The following TNFRSF19 variants were observed in gnomAD, a reference collection of about 807,000 sequenced individuals.
The protein encoded by TNFRSF19 is TNF receptor superfamily member 19.
Under a neutral mutation model 46.4 loss-of-function variants are expected in TNFRSF19, and 27 were observed. That is an observed-to-expected ratio of 0.58 (90% confidence interval 0.43 to 0.80). The LOEUF is 0.80. Among genes scored for constraint, TNFRSF19 ranks in the 30% least tolerant of loss-of-function variants. The pLI is 0.00. For synonymous variants in TNFRSF19, 204 were observed against 205.0 expected, an observed-to-expected ratio of 1.00 and a Z score of 0.04; for missense variants, 511 against 530.8, an observed-to-expected ratio of 0.96 and a Z score of 0.37.
In TNFRSF19 at chr13:23,622,638, A is replaced by G. The variant is rs139341896; in HGVS notation, c.360-4069A>G. On this transcript the variant is annotated intron_variant, in intron 4 of 9. Transcript: ENST00000248484. ...AAGTAGTGTCTATGCTTGATCATCA[A>G]TACCTCCCATTTTCCTAACTTTTTA... 3.8e-3 allele frequency among the ~76,000 whole-genome samples: 583 copies of G among 152,236 alleles called. 6 individuals carry two copies. The highest frequency in any genetic ancestry group is 0.013 in the African/African-American group (551 of 41,534).
intron 1 of TNFRSF19, among the ~76,000 whole-genome samples, chr13:23,582,118 C>T (rs1026899673): frequency 6.6e-6 from 1 of 151,086 alleles, no homozygotes; most frequent in African/African-American, 2.4e-5. Context: ...CGGTGGCTCA[C>T]GCCTGTAATC....
At chr13:23,619,582 A>G (rs1881521476) in intron 4 of TNFRSF19, among the ~76,000 whole-genome samples, 2 of 152,218 alleles carry the variant, frequency 1.3e-5, no homozygotes, top group South Asian at 2.1e-4. Context: ...GGAACGGTCT[A>G]TAATCTCAGA....
Position 23,673,388 on chromosome 13 carries a change from G to C in TNFRSF19, c.*8G>C. The C allele has an allele frequency of 6.2e-7, 1 of 1,604,212 alleles. No homozygotes were observed. The highest frequency in any genetic ancestry group is 2.2e-5 in the East Asian group (1 of 44,584). On this transcript the variant is annotated 3_prime_UTR_variant, in exon 10 of 10. Coordinates refer to ENST00000248484, the MANE Select transcript of TNFRSF19 (RefSeq NM_148957.4). ...CTGTTTTAGGAAGCTTAAAGAACCTGCTTCTTTCTGCAGTAGAAGCGTGTG... is the reference window on the plus strand; with the variant it reads ...CTGTTTTAGGAAGCTTAAAGAACCTCCTTCTTTCTGCAGTAGAAGCGTGTG...
At chr13:23,640,687 A>C (rs1882986941) in intron 5 of TNFRSF19, among the ~76,000 whole-genome samples, 1 of 152,194 alleles carries the variant, frequency 6.6e-6, no homozygotes, top group South Asian at 2.1e-4. Flanking sequence ...CATTCTTTGA[A>C]TGAATTAAAT....
At chr13:23,618,138 T>G (rs912907976) in intron 4 of TNFRSF19, among the ~76,000 whole-genome samples, 8 of 152,142 alleles carry the variant, frequency 5.3e-5, no homozygotes, top group Admixed American at 3.9e-4. Context: ...ATAGCTCTGT[T>G]GGACTTTATC....
chr13:23,607,305 G>A (rs966377005), intron 3 of TNFRSF19, among the ~76,000 whole-genome samples: 1 of 151,962 alleles, frequency 6.6e-6, no homozygotes, highest in East Asian at 1.9e-4. Context: ...GTGGTGGTGG[G>A]CGCCTTTAAT....
intron 3 of TNFRSF19, among the ~76,000 whole-genome samples, chr13:23,602,828 G>T (rs1441503856): frequency 1.3e-5 from 2 of 151,992 alleles, no homozygotes; most frequent in Admixed American, 6.6e-5. Flanking sequence ...AATGAAAACA[G>T]AACTTGTCAA....
At position 23,653,504 on chromosome 13, in the gene TNFRSF19, A is replaced by T. The variant is rs767577743; in HGVS notation, c.446-5546A>T. Among the ~76,000 whole-genome samples the T allele has an allele frequency of 2.0e-4, 31 of 152,136 alleles. 1 individual carries two copies. The highest frequency in any genetic ancestry group is 3.5e-4 in the Non-Finnish European group (24 of 68,024). ...GTGCTGGGGAGAAACTGCAATTGTAAATAGATTGGTGGGAAGCCTCACTGA... is the reference window on the plus strand; with the variant it reads ...GTGCTGGGGAGAAACTGCAATTGTATATAGATTGGTGGGAAGCCTCACTGA... On this transcript the variant is annotated intron_variant, in intron 5 of 9. Transcript: ENST00000248484.
intron 5 of TNFRSF19, among the ~76,000 whole-genome samples, chr13:23,630,302 T>TA (rs33960618): frequency 0.18 from 16,186 of 89,544 alleles, 1,903 homozygotes; most frequent in African/African-American, 0.32. Context: ...GACCCTGTCT[T>TA]AAAAAAAAAA....
At chr13:23,655,057 A>G (rs190777990) in intron 5 of TNFRSF19, among the ~76,000 whole-genome samples, 25 of 152,276 alleles carry the variant, frequency 1.6e-4, no homozygotes, top group South Asian at 6.2e-4. Flanking sequence ...AGGGGATGCA[A>G]TGTGGGGAGA....
chr13:23,635,961 C>T (rs1330928508), intron 5 of TNFRSF19, among the ~76,000 whole-genome samples: 1 of 152,088 alleles, frequency 6.6e-6, no homozygotes, highest in East Asian at 1.9e-4. Flanking sequence ...ATCATTTCCC[C>T]CATCATGATA....
chr13:23,616,650 T>C (rs1360634464), intron 4 of TNFRSF19, among the ~76,000 whole-genome samples: 1 of 152,196 alleles, frequency 6.6e-6, no homozygotes, highest in African/African-American at 2.4e-5. Flanking sequence ...TGGCGCAATC[T>C]CAGCTCAGTG....
chr13:23,630,302 T>TAA (rs33960618), intron 5 of TNFRSF19, among the ~76,000 whole-genome samples: 16,626 of 89,242 alleles, frequency 0.19, 1,854 homozygotes, highest in Non-Finnish European at 0.26. Context: ...GACCCTGTCT[T>TAA]AAAAAAAAAA....
In TNFRSF19 at chr13:23,668,672, T is replaced by A. The variant is rs913237172; in HGVS notation, c.840-20T>A. 1 of 1,590,152 alleles carries A rather than the reference T, an allele frequency of 6.3e-7. No individual in the cohort carries two copies. The highest frequency in any genetic ancestry group is 1.2e-5 in the South Asian group (1 of 86,102). On this transcript the variant is annotated intron_variant, in intron 8 of 9. Coordinates refer to ENST00000248484, the MANE Select transcript of TNFRSF19 (RefSeq NM_148957.4). ...TTTCTCCCCATCAAAAACTTTAAGT[T>A]CTTTTGAACGTGTGTGCAGAAACGC...
intron 5 of TNFRSF19, among the ~76,000 whole-genome samples, chr13:23,632,636 A>G (rs1330262871): frequency 6.6e-6 from 1 of 152,218 alleles, no homozygotes; most frequent in Non-Finnish European, 1.5e-5. Context: ...AAATAATCTA[A>G]AATAGTGGTA....
chr13:23,605,740 C>T (rs1250851980), intron 3 of TNFRSF19, among the ~76,000 whole-genome samples: 2 of 152,030 alleles, frequency 1.3e-5, no homozygotes, highest in African/African-American at 2.4e-5. Flanking sequence ...TCCAACTATA[C>T]GACATTCTAG....
intron 9 of TNFRSF19, among the ~76,000 whole-genome samples, chr13:23,670,415 T>TC (rs1478833735): frequency 1.3e-5 from 2 of 152,060 alleles, no homozygotes; most frequent in Non-Finnish European, 2.9e-5. Context: ...GGTTTCATTC[T>TC]CAAAACGGGG....
intron 3 of TNFRSF19, 81 bp downstream of exon 3, chr13:23,593,536 T>A: frequency 1.1e-6 from 1 of 951,638 alleles, no homozygotes; most frequent in Non-Finnish European, 1.6e-6. Flanking sequence ...AGTTAATTAT[T>A]AATGAAACTT....
At chr13:23,638,560 A>T (rs949795555) in intron 5 of TNFRSF19, among the ~76,000 whole-genome samples, 1 of 152,234 alleles carries the variant, frequency 6.6e-6, no homozygotes, top group Non-Finnish European at 1.5e-5. Context: ...GGTGGGCAGC[A>T]GGTCTCTAGA....
Sources: allele counts gnomAD v4.1 joint callset (sites outside exome capture counted in the v4.1 genomes callset), GRCh38; gene constraint gnomAD v4.1.1; transcripts MANE v1.5; gene names NCBI Gene and HGNC (gene_info 2026-07-23, HGNC 2026-07-21).